The following LMAN1 variants were observed in gnomAD, a reference collection of about 807,000 sequenced individuals.
The protein encoded by LMAN1 is protein ERGIC-53.
In LMAN1, 32 loss-of-function variants were observed where a neutral mutation model predicts 67.8. That is an observed-to-expected ratio of 0.47 (90% CI 0.36 to 0.63). The LOEUF (loss-of-function observed/expected upper bound fraction) is 0.63, where lower values mean the gene tolerates loss of function less well. LMAN1 is among the 30% of genes least tolerant of loss of function. LMAN1 has a pLI of 0.00. For synonymous variants in LMAN1, 235 were observed against 219.3 expected, an observed-to-expected ratio of 1.07 and a Z score of -0.63; for missense variants, 632 against 628.2, an observed-to-expected ratio of 1.01 and a Z score of -0.06.
chr18:59,337,374 G>A (rs1236087055), intron 10 of LMAN1, among the ~76,000 whole-genome samples: 1 of 152,056 alleles, frequency 6.6e-6, no homozygotes, highest in African/African-American at 2.4e-5. Flanking sequence ...GTGCGATTGT[G>A]GATGGGATCC....
At chr18:59,352,917 ATCT>A (rs1908575660) in intron 5 of LMAN1, 1 of 376,178 alleles carries the variant, frequency 2.7e-6, no homozygotes, top group Non-Finnish European at 5.1e-6. Flanking sequence ...CTATCTATCT[ATCT>A]ACCTATCTAT....
intron 5 of LMAN1, among the ~76,000 whole-genome samples, chr18:59,352,232 A>G (rs1408855840): frequency 6.6e-6 from 1 of 152,156 alleles, no homozygotes; most frequent in African/African-American, 2.4e-5. Flanking sequence ...CCCCAAACAG[A>G]TAAAACACAA....
At chr18:59,331,329 TTG>T in intron 12 of LMAN1, 87 bp downstream of exon 12, 1 of 1,353,304 alleles carries the variant, frequency 7.4e-7, no homozygotes, top group South Asian at 1.2e-5. Flanking sequence ...GTGGTGAAAA[TTG>T]TATTATGAAC....
intron 5 of LMAN1, among the ~76,000 whole-genome samples, chr18:59,349,769 A>T (rs910146512): frequency 3.3e-5 from 5 of 152,216 alleles, no homozygotes; most frequent in Non-Finnish European, 1.5e-5. Flanking sequence ...AAAACTAAAA[A>T]GATGTACGTT....
chr18:59,354,436 G>A, intron 4 of LMAN1, 83 bp downstream of exon 4: 1 of 785,928 alleles, frequency 1.3e-6, no homozygotes, highest in Non-Finnish European at 2.3e-6. Context: ...CATTTGGAAG[G>A]TGTTCAGATT....
intron 10 of LMAN1, among the ~76,000 whole-genome samples, chr18:59,335,839 A>C (rs1460853874): frequency 2.0e-5 from 3 of 152,264 alleles, no homozygotes; most frequent in South Asian, 2.1e-4. Flanking sequence ...GGAACTTTAC[A>C]TAAACTTGTC....
At position 59,359,230 on chromosome 18, in the gene LMAN1, C is replaced by G; in HGVS notation, c.15G>C (p.Arg5Ser). 3 of 1,613,810 alleles carry G rather than the reference C, an allele frequency of 1.9e-6. No homozygotes were observed. Among genetic ancestry groups the G allele is most frequent in the Non-Finnish European group, 2.5e-6 (3 of 1,179,802 alleles). The stretch of plus-strand genomic sequence containing the variant: ...GAACTCTGGCCCGGAGACCCCTTTG[C>G]CTGGATCCCGCCATCTTGGATTCTG... MAGS[R>S]QRGLRARVRP... Residue 5 changes from arginine to serine, a missense_variant, in exon 1 of 13, where the codon AGG (arginine) becomes AGC (serine). Arg to Ser is a moderately radical substitution (Grantham distance 110, BLOSUM62 -1). Coordinates refer to ENST00000251047, the MANE Select transcript of LMAN1 (RefSeq NM_005570.4).
chr18:59,358,937 G>A lies in LMAN1; in HGVS notation c.214+94C>T, dbSNP rs41401447. 423 of 1,277,960 alleles carry A rather than the reference G, an allele frequency of 3.3e-4. No individual in the cohort carries two copies. The African/African-American group carries it at 5.8e-3, about 17-fold the overall frequency. The allele number at this position is 1,277,960 out of a possible 1,614,324, so 79.2% of individuals were successfully genotyped here. ...ATATGGTGTGCAGCTGCTGGAACGGGAACCTCAGCACACCAGGGTAGCCGC... is the reference window on the plus strand; with the variant it reads ...ATATGGTGTGCAGCTGCTGGAACGGAAACCTCAGCACACCAGGGTAGCCGC... On this transcript the variant is annotated intron_variant, in intron 1 of 12. Coordinates refer to ENST00000251047, the MANE Select transcript of LMAN1 (RefSeq NM_005570.4).
At chr18:59,347,302 CAG>C (rs551787338) in intron 7 of LMAN1, among the ~76,000 whole-genome samples, 297 of 119,562 alleles carry the variant, frequency 2.5e-3, no homozygotes, top group African/African-American at 8.7e-3. Context: ...GCCTGGGAGA[CAG>C]AGCGAGACTC....
rs1568110648 is a variant in LMAN1, at chr18:59,328,343, G to A, written c.*2750C>T. ...ATGGGAGTTTTCATGGCTTGACCAT[G>A]AATGATCTCAAGATGATTTCATAAG... is the stretch of plus-strand genomic sequence containing the variant. On this transcript the variant is annotated 3_prime_UTR_variant, in exon 13 of 13. Transcript: ENST00000251047. 6.6e-6 allele frequency: 1 copy of A among 152,144 alleles called. No homozygotes were observed. Among genetic ancestry groups the A allele is most frequent in the East Asian group, 1.9e-4 (1 of 5,186 alleles). The allele number at this position is 152,144 out of a possible 1,614,324, so 9.4% of individuals were successfully genotyped here.
At chr18:59,341,686 AGC>A (rs1324155775) in intron 8 of LMAN1, among the ~76,000 whole-genome samples, 1 of 152,150 alleles carries the variant, frequency 6.6e-6, no homozygotes, top group African/African-American at 2.4e-5. Context: ...AACTGAAAAA[AGC>A]AGTGTGAAGA....
At chr18:59,358,730 G>C (rs572254529) in intron 1 of LMAN1, among the ~76,000 whole-genome samples, 9 of 152,192 alleles carry the variant, frequency 5.9e-5, no homozygotes, top group Admixed American at 4.6e-4. Flanking sequence ...AGGAAGTGTA[G>C]GAGGTAACCA....
intron 8 of LMAN1, among the ~76,000 whole-genome samples, chr18:59,342,954 T>C (rs139731230): frequency 1.3e-5 from 2 of 151,976 alleles, no homozygotes; most frequent in East Asian, 1.9e-4. Context: ...TTCAGTAATG[T>C]TTCAAGATAA....
chr18:59,348,259 G>A (rs1908464333), intron 6 of LMAN1, among the ~76,000 whole-genome samples: 1 of 152,186 alleles, frequency 6.6e-6, no homozygotes. Context: ...CAATCTTTAT[G>A]CTTTGTACTG....
intron 10 of LMAN1, among the ~76,000 whole-genome samples, chr18:59,338,212 C>A (rs1221873724): frequency 6.6e-6 from 1 of 152,072 alleles, no homozygotes; most frequent in East Asian, 1.9e-4. Context: ...CATATTTATT[C>A]CTCTAGTACT....
chr18:59,347,274 T>A (rs1297470453), intron 7 of LMAN1, among the ~76,000 whole-genome samples: 1 of 129,780 alleles, frequency 7.7e-6, no homozygotes, highest in Non-Finnish European at 1.5e-5. Flanking sequence ...AGAGCAGATA[T>A]CGCGCCACTG....
chr18:59,338,884 T>C lies in LMAN1; in HGVS notation c.1025A>G (p.His342Arg). The change falls in exon 9 of 13, where the codon CAT (histidine) becomes CGT (arginine). Residue 342 changes from histidine (H) to arginine (R), a missense_variant. His to Arg is a conservative substitution (Grantham distance 29). Coordinates refer to ENST00000251047, the MANE Select transcript of LMAN1 (RefSeq NM_005570.4). ...RQVFEGQNRI[H>R]LEIKQLNRQL... is the part of the protein sequence containing the mutation. ...CCGGTTCAGCTGCTTGATTTCAAGA[T>C]GAATACGATTCTGTCCTTCAAAGAC... The C allele has an allele frequency of 6.2e-7, 1 of 1,613,814 alleles. No homozygotes were observed. The highest frequency in any genetic ancestry group is 8.5e-7 in the Non-Finnish European group (1 of 1,179,950).
intron 1 of LMAN1, among the ~76,000 whole-genome samples, chr18:59,358,038 T>C (rs564265294): frequency 6.7e-6 from 1 of 150,320 alleles, no homozygotes. Context: ...TCATCTCATA[T>C]AAAGGCATTT....
At chr18:59,357,962 G>GT (rs1251143667) in intron 1 of LMAN1, among the ~76,000 whole-genome samples, 2 of 76,470 alleles carry the variant, frequency 2.6e-5, no homozygotes, top group African/African-American at 4.7e-5. Flanking sequence ...AAACCTTATA[G>GT]TAAAAAAAAA....
Sources: allele counts gnomAD v4.1 joint callset (sites outside exome capture counted in the v4.1 genomes callset), GRCh38; gene constraint gnomAD v4.1.1; transcripts MANE v1.5; gene names NCBI Gene and HGNC (gene_info 2026-07-23, HGNC 2026-07-21).